MAPK8: variants seen among roughly 807,000 people sequenced by gnomAD.
MAPK8 encodes JUN N-terminal kinase.
Under a neutral mutation model 52.9 loss-of-function variants are expected in MAPK8, and 13 were observed. The ratio of observed to expected loss-of-function variants is 0.25; its 90% confidence interval spans 0.16 to 0.39. The LOEUF (loss-of-function observed/expected upper bound fraction) is 0.39, where lower values mean the gene tolerates loss of function less well. Ranked by LOEUF, MAPK8 falls within the 10% of genes least tolerant of loss-of-function variation. MAPK8 has a pLI of 1.00. For missense variants in MAPK8, 300 were observed against 519.2 expected (o/e 0.58, Z 4.10); for synonymous variants, 191 against 169.8 (o/e 1.12, Z -0.97).
At chr10:48,393,577 C>A (rs1408753831) in intron 1 of MAPK8, among the ~76,000 whole-genome samples, 1 of 152,032 alleles carries the variant, frequency 6.6e-6, no homozygotes, top group African/African-American at 2.4e-5. Context: ...AGAAAACCCT[C>A]CTAGGGTTGT....
chr10:48,368,185 T>TA (rs1399317538), intron 1 of MAPK8, among the ~76,000 whole-genome samples: 3 of 152,238 alleles, frequency 2.0e-5, no homozygotes, highest in African/African-American at 7.2e-5. Flanking sequence ...GAGTGTGTGC[T>TA]ATGCAATTCT....
intron 6 of MAPK8, among the ~76,000 whole-genome samples, chr10:48,421,113 A>G (rs1315518070): frequency 6.6e-6 from 1 of 152,216 alleles, no homozygotes; most frequent in Non-Finnish European, 1.5e-5. Context: ...ACTACCAAGA[A>G]TAAAACCTAG....
chr10:48,332,295 C>A (rs1038975690), intron 1 of MAPK8, among the ~76,000 whole-genome samples: 2 of 152,146 alleles, frequency 1.3e-5, no homozygotes, highest in East Asian at 3.9e-4. Flanking sequence ...CTCCTGTGGC[C>A]TGTTTTCTGA....
intron 1 of MAPK8, among the ~76,000 whole-genome samples, chr10:48,326,581 G>A (rs1353277763): frequency 1.3e-5 from 2 of 152,152 alleles, no homozygotes. Context: ...ACTCTCAGCA[G>A]ATAGAGCAAA....
intron 1 of MAPK8, among the ~76,000 whole-genome samples, chr10:48,349,068 G>A (rs986799598): frequency 6.6e-6 from 1 of 151,918 alleles, no homozygotes; most frequent in African/African-American, 2.4e-5. Context: ...AATGCAACAA[G>A]AAGAGCTAAC....
At chr10:48,434,230 T>G (rs1049181487) in intron 11 of MAPK8, among the ~76,000 whole-genome samples, 4 of 152,220 alleles carry the variant, frequency 2.6e-5, no homozygotes, top group African/African-American at 9.7e-5. Flanking sequence ...AGAGTAGAAA[T>G]AAGAAGACCC....
At chr10:48,342,397 A>G (rs1022768970) in intron 1 of MAPK8, among the ~76,000 whole-genome samples, 2 of 152,052 alleles carry the variant, frequency 1.3e-5, no homozygotes, top group Non-Finnish European at 2.9e-5. Flanking sequence ...GAGCCACCAC[A>G]CCTGGCCATA....
rs187341787 is a variant in MAPK8 at position 48,385,281 on chromosome 10, G to A, written c.-49-16331G>A. Among the ~76,000 whole-genome samples, 11 of 151,974 alleles carry A rather than the reference G, an allele frequency of 7.2e-5. No homozygotes were observed. In the East Asian group the frequency reaches 1.7e-3, roughly 24 times the overall value. ...ATTCCATAGAGCAAAAGTTTTTTTT[G>A]TTTTGTTTTTCATAACCCTCATGTT... On this transcript the variant is annotated intron_variant, in intron 1 of 11. Transcript: ENST00000374189.
chr10:48,401,731 A>C lies in MAPK8; in HGVS notation c.71A>C (p.Lys24Thr), dbSNP rs780150000. 2.5e-6 allele frequency: 4 copies of C among 1,583,294 alleles called. No homozygotes were observed. The highest frequency in any genetic ancestry group is 1.4e-5 in the African/African-American group (1 of 72,160). The change falls in exon 2 of 12, where the codon AAA (lysine) becomes ACA (threonine). Residue 24 changes from lysine (K) to threonine (T), a missense_variant. By Grantham distance (78) the Lys-to-Thr change is moderately conservative (BLOSUM62 -1). Coordinates refer to ENST00000374189, the MANE Select transcript of MAPK8 (RefSeq NM_001323329.2). Reference sequence around the variant, plus strand: ...GGAGATTCTACATTCACAGTCCTGAAACGATATCAGAATTTAAAACCTATA... The same window carrying C: ...GGAGATTCTACATTCACAGTCCTGACACGATATCAGAATTTAAAACCTATA... ...EIGDSTFTVL[K>T]RYQNLKPIGS... is the part of the protein sequence containing the mutation.
intron 5 of MAPK8, among the ~76,000 whole-genome samples, chr10:48,419,199 A>G (rs937713529): frequency 5.3e-5 from 8 of 152,214 alleles, no homozygotes; most frequent in African/African-American, 1.7e-4. Flanking sequence ...TCTGTATGTT[A>G]ACATTACAAA....
chr10:48,315,673 C>T (rs1247519791), intron 1 of MAPK8, among the ~76,000 whole-genome samples: 1 of 147,040 alleles, frequency 6.8e-6, no homozygotes, highest in Admixed American at 6.8e-5. Flanking sequence ...TATAAGAAAG[C>T]TTTTTATTTT....
intron 1 of MAPK8, among the ~76,000 whole-genome samples, chr10:48,355,648 A>G (rs539048570): frequency 6.6e-6 from 1 of 152,376 alleles, no homozygotes; most frequent in South Asian, 2.1e-4. Flanking sequence ...AGTTATACAT[A>G]TTTAAAAATA....
At chr10:48,345,430 G>C (rs1279134757) in intron 1 of MAPK8, among the ~76,000 whole-genome samples, 2 of 152,146 alleles carry the variant, frequency 1.3e-5, no homozygotes, top group Non-Finnish European at 2.9e-5. Flanking sequence ...TTCTTGTAGA[G>C]TCATAAAGAG....
chr10:48,424,657 G>T (rs573196006), intron 7 of MAPK8: 3 of 970,964 alleles, frequency 3.1e-6, no homozygotes, highest in African/African-American at 3.3e-5. Flanking sequence ...GTTTGGTCAG[G>T]TATAATGTAT....
intron 1 of MAPK8, among the ~76,000 whole-genome samples, chr10:48,344,128 T>A (rs1228144963): frequency 6.6e-6 from 1 of 152,158 alleles, no homozygotes; most frequent in Non-Finnish European, 1.5e-5. Flanking sequence ...AATATCAGAG[T>A]AAACAAAGAT....
intron 1 of MAPK8, among the ~76,000 whole-genome samples, chr10:48,350,920 CTT>C (rs1423793151): frequency 3.9e-5 from 6 of 152,190 alleles, no homozygotes; most frequent in Non-Finnish European, 8.8e-5. Flanking sequence ...TCAGCAAAGT[CTT>C]AGCATACAAA....
At position 48,420,289 on chromosome 10, in the gene MAPK8, G is replaced by A. The variant is rs1315197909; in HGVS notation, c.585G>A (p.Glu195=). 1 of 1,612,410 alleles carries A rather than the reference G, an allele frequency of 6.2e-7. No homozygotes were observed. The highest frequency in any genetic ancestry group is 1.3e-5 in the African/African-American group (1 of 74,980). Residue 195 remains glutamate (E), a synonymous_variant, in exon 6 of 12, where the codon GAG becomes GAA. Transcript: ENST00000374189. ...TGACTCGCTACTACAGAGCACCCGA[G>A]GTCATCCTTGGCATGGGCTACAAGG... ...YVVTRYYRAP[E]VILGMGYKEN...
rs1030413050 is a variant in MAPK8, at chr10:48,364,810, G to A, written c.-49-36802G>A. ...CTAAAGACAGAAAACTCCAAACAAA[G>A]GATTGATTGCCTCTCACAGTTGATC... On this transcript the variant is annotated intron_variant, in intron 1 of 11. Transcript: ENST00000374189. 3.3e-5 allele frequency among the ~76,000 whole-genome samples: 5 copies of A among 152,050 alleles called. No homozygotes were observed. The East Asian group carries it at 9.6e-4, about 29-fold the overall frequency.
intron 1 of MAPK8, among the ~76,000 whole-genome samples, chr10:48,350,872 C>T (rs1470863574): frequency 7.9e-5 from 12 of 152,158 alleles, no homozygotes; most frequent in African/African-American, 1.9e-4. Flanking sequence ...AAAACCCCAT[C>T]GTCTCAGCCC....
Sources: allele counts gnomAD v4.1 joint callset (sites outside exome capture counted in the v4.1 genomes callset), GRCh38; gene constraint gnomAD v4.1.1; transcripts MANE v1.5; gene names NCBI Gene and HGNC (gene_info 2026-07-23, HGNC 2026-07-21).